Variants in FAM135B observed in about 807,000 individuals in gnomAD.
The protein encoded by FAM135B is family with sequence similarity 135 member B.
In FAM135B, 43 loss-of-function variants were observed where a neutral mutation model predicts 127.7. That is an observed-to-expected ratio of 0.34 (90% CI 0.26 to 0.43). FAM135B has a LOEUF of 0.43. FAM135B is among the 20% of genes least tolerant of loss of function. The pLI is 1.00. For synonymous variants in FAM135B, 670 were observed against 665.1 expected, an observed-to-expected ratio of 1.01 and a Z score of -0.11; for missense variants, 1,558 against 1,725.6, an observed-to-expected ratio of 0.90 and a Z score of 1.72.
In FAM135B at chr8:138,260,718, C is replaced by T. The variant is rs145014512; in HGVS notation, c.298-3959G>A. Among the ~76,000 whole-genome samples the T allele has an allele frequency of 9.2e-5, 14 of 152,240 alleles. No individual in the cohort carries two copies. In the East Asian group the frequency reaches 2.5e-3, roughly 27 times the overall value. On this transcript the variant is annotated intron_variant, in intron 4 of 19. Transcript: ENST00000395297. ...CACACAGTTTCCATTTACACAGTTA[C>T]GACCTCTGCCATGATGCTCACCAAG...
chr8:138,442,237 CATATATATATATATATATATAT>C (rs759993575), intron 1 of FAM135B, among the ~76,000 whole-genome samples: 21 of 51,914 alleles, frequency 4.0e-4, no homozygotes, highest in East Asian at 4.8e-3. Flanking sequence ...ATATGGACAC[CATATATATATATATATATATAT>C]ATATATATAT....
At chr8:138,224,372 G>T (rs916392687) in intron 7 of FAM135B, among the ~76,000 whole-genome samples, 9 of 152,152 alleles carry the variant, frequency 5.9e-5, no homozygotes, top group African/African-American at 1.9e-4. Flanking sequence ...ACTCATGCAT[G>T]CACACATGCA....
At chr8:138,440,403 T>G (rs551374892) in intron 1 of FAM135B, 3 of 151,528 alleles carry the variant, frequency 2.0e-5, no homozygotes, top group African/African-American at 7.3e-5. Flanking sequence ...GTGACAAATA[T>G]CTAGGACAAA....
At chr8:138,214,584 C>T (rs1470668402) in intron 7 of FAM135B, among the ~76,000 whole-genome samples, 1 of 152,116 alleles carries the variant, frequency 6.6e-6, no homozygotes. Context: ...CTGCATCATT[C>T]TGGGGTCAGT....
At chr8:138,293,074 T>C (rs920815801) in intron 3 of FAM135B, among the ~76,000 whole-genome samples, 4 of 152,106 alleles carry the variant, frequency 2.6e-5, no homozygotes, top group African/African-American at 9.7e-5. Context: ...TGGAAAAGAA[T>C]AGAGAACTCA....
chr8:138,243,186 G>T lies in FAM135B; in HGVS notation c.543-118C>A. ...ATTTGGGATAAGTCATTTAGGAGTA[G>T]TTCACCCCCTAGGGAGTGTTTGCAT... On this transcript the variant is annotated intron_variant, in intron 6 of 19. Transcript: ENST00000395297. This position sits in a 1 kb window ranked among gnomAD's most constrained non-coding sequence, Gnocchi z 7.5. 8.2e-7 allele frequency: 1 copy of T among 1,215,766 alleles called. No individual in the cohort carries two copies. The highest frequency in any genetic ancestry group is 1.1e-6 in the Non-Finnish European group (1 of 892,774). 75.3% of individuals were successfully genotyped at this position (1,215,766 alleles called of 1,614,324 possible).
At chr8:138,212,123 G>A (rs561656946) in intron 7 of FAM135B, among the ~76,000 whole-genome samples, 1 of 152,252 alleles carries the variant, frequency 6.6e-6, no homozygotes, top group South Asian at 2.1e-4. Flanking sequence ...TAGCAACGTG[G>A]TGAGGAGCAA....
chr8:138,347,746 G>T (rs1829511870), intron 2 of FAM135B, among the ~76,000 whole-genome samples: 1 of 152,112 alleles, frequency 6.6e-6, no homozygotes, highest in South Asian at 2.1e-4. Flanking sequence ...AATCAGACTG[G>T]TAGGGATCAA....
chr8:138,135,596 A>C (rs1387220846), intron 19 of FAM135B, among the ~76,000 whole-genome samples: 2 of 152,220 alleles, frequency 1.3e-5, no homozygotes, highest in African/African-American at 4.8e-5. Context: ...GCTGGTATCA[A>C]TATTTTAGAA....
chr8:138,256,629 TG>T, intron 5 of FAM135B, 59 bp downstream of exon 5: 1 of 1,389,580 alleles, frequency 7.2e-7, no homozygotes, highest in Non-Finnish European at 1.0e-6. Flanking sequence ...ATCCCAAGAG[TG>T]GGGAAGCGGG....
intron 1 of FAM135B, among the ~76,000 whole-genome samples, chr8:138,462,172 A>C (rs1353588290): frequency 6.6e-6 from 1 of 152,214 alleles, no homozygotes; most frequent in Non-Finnish European, 1.5e-5. Flanking sequence ...TTATACATTA[A>C]AAGTATTCCA....
chr8:138,168,076 T>C (rs1458500477), intron 11 of FAM135B, 27 bp from the exon 12 acceptor site: 14 of 1,594,654 alleles, frequency 8.8e-6, no homozygotes, highest in Admixed American at 6.9e-5. Flanking sequence ...AGGGTGAGCG[T>C]CCAGGGAAGA....
intron 7 of FAM135B, among the ~76,000 whole-genome samples, chr8:138,227,803 A>T (rs1307179830): frequency 6.7e-6 from 1 of 148,686 alleles, no homozygotes; most frequent in Non-Finnish European, 1.5e-5. Context: ...CTCTCAACAA[A>T]TTTTTAAGTG....
Position 138,243,080 on chromosome 8 carries a change from A to AT in FAM135B, c.543-13dup, listed in dbSNP as rs763290524. The AT allele has an allele frequency of 2.9e-5, 46 of 1,603,294 alleles. No homozygotes were observed. The highest frequency in any genetic ancestry group is 1.7e-4 in the Middle Eastern group (1 of 5,914). On this transcript the variant is annotated splice_polypyrimidine_tract_variant and intron_variant, in intron 6 of 19. Transcript: ENST00000395297. The surrounding 1 kb of genome is among the most constrained non-coding windows in gnomAD (Gnocchi z 7.5). ...CTGGACGAGTAAAACTAAACAAAAGATAATTGAAAGGGTGAAAAAGGAGGT... is the reference window on the plus strand; with the variant it reads ...CTGGACGAGTAAAACTAAACAAAAGATTAATTGAAAGGGTGAAAAAGGAGGT...
intron 1 of FAM135B, among the ~76,000 whole-genome samples, chr8:138,421,646 CAAAT>C (rs2131457091): frequency 6.6e-6 from 1 of 152,116 alleles, no homozygotes; most frequent in East Asian, 1.9e-4. Flanking sequence ...ATGACACAAA[CAAAT>C]AGAAAAACAT....
At chr8:138,285,415 G>A (rs1443441770) in intron 3 of FAM135B, among the ~76,000 whole-genome samples, 4 of 152,152 alleles carry the variant, frequency 2.6e-5, no homozygotes, top group South Asian at 2.1e-4. Context: ...CCAAAGTGCT[G>A]GGATTACAGG....
chr8:138,324,253 G>A (rs924768237), intron 2 of FAM135B, among the ~76,000 whole-genome samples: 5 of 152,196 alleles, frequency 3.3e-5, no homozygotes, highest in Non-Finnish European at 4.4e-5. Context: ...AGCTAAGGAA[G>A]TAAGGTTTTT....
intron 7 of FAM135B, among the ~76,000 whole-genome samples, chr8:138,209,883 C>G (rs1316706467): frequency 6.6e-6 from 1 of 152,202 alleles, no homozygotes; most frequent in Non-Finnish European, 1.5e-5. Flanking sequence ...AAAAGCCAAG[C>G]TCTTTATCCC....
intron 2 of FAM135B, chr8:138,367,384 C>T (rs551469184): frequency 6.6e-5 from 30 of 456,076 alleles, no homozygotes; most frequent in East Asian, 1.4e-4. Context: ...ATCACCTGCA[C>T]GTGAAATGCC....
Sources: allele counts gnomAD v4.1 joint callset (sites outside exome capture counted in the v4.1 genomes callset), GRCh38; gene constraint gnomAD v4.1.1; non-coding constraint Gnocchi (gnomAD v3.1); transcripts MANE v1.5; gene names NCBI Gene and HGNC (gene_info 2026-07-23, HGNC 2026-07-21).